Variants in PIWIL2 observed in about 807,000 individuals in gnomAD.
The protein encoded by PIWIL2 is piwi like RNA-mediated gene silencing 2.
Under a neutral mutation model 116.5 loss-of-function variants are expected in PIWIL2, and 81 were observed. The ratio of observed to expected loss-of-function variants is 0.70; its 90% CI spans 0.58 to 0.84. PIWIL2 has a LOEUF of 0.84. Ranked by LOEUF, PIWIL2 falls within the 40% of genes least tolerant of loss-of-function variation. The probability of loss-of-function intolerance (pLI) is 0.00; values close to 1 mark genes in which losing one functional copy is unlikely to be tolerated. For synonymous variants in PIWIL2, 489 were observed against 429.5 expected (o/e 1.14, Z -1.71); for missense variants, 1,272 against 1,212.3 (o/e 1.05, Z -0.73).
intron 20 of PIWIL2, among the ~76,000 whole-genome samples, chr8:22,337,803 T>A (rs1832014675): frequency 1.3e-5 from 2 of 149,410 alleles, no homozygotes; most frequent in Non-Finnish European, 3.0e-5. Context: ...TTAAAGAAAT[T>A]GAAGATCTAG....
intron 2 of PIWIL2, among the ~76,000 whole-genome samples, chr8:22,280,641 T>A (rs1830478238): frequency 6.6e-6 from 1 of 152,220 alleles, no homozygotes; most frequent in South Asian, 2.1e-4. Flanking sequence ...CATTCAAGAC[T>A]GCCACAGGAA....
chr8:22,276,580 C>T (rs1476116969), intron 1 of PIWIL2, among the ~76,000 whole-genome samples: 1 of 152,192 alleles, frequency 6.6e-6, no homozygotes, highest in Non-Finnish European at 1.5e-5. Context: ...TTCCAGAGTG[C>T]TGGGATTACA....
intron 20 of PIWIL2, among the ~76,000 whole-genome samples, chr8:22,322,209 C>G (rs573438924): frequency 1.3e-5 from 2 of 151,954 alleles, no homozygotes; most frequent in Non-Finnish European, 2.9e-5. Context: ...TGCTCTTCTC[C>G]TTTTTCTGTA....
chr8:22,301,032 C>T (rs887229774), intron 10 of PIWIL2, among the ~76,000 whole-genome samples: 1 of 151,580 alleles, frequency 6.6e-6, no homozygotes, highest in South Asian at 2.1e-4. Flanking sequence ...TTGGCTGGAG[C>T]GCAGAGGTGC....
chr8:22,322,331 G>C (rs4872468), intron 20 of PIWIL2, among the ~76,000 whole-genome samples: 64,930 of 151,500 alleles, frequency 0.43, 15,782 homozygotes, highest in East Asian at 0.81. Flanking sequence ...GTTCACTGCA[G>C]CCTCAACCTC....
At chr8:22,305,301 T>A (rs987276350) in intron 12 of PIWIL2, among the ~76,000 whole-genome samples, 1 of 152,018 alleles carries the variant, frequency 6.6e-6, no homozygotes, top group African/African-American at 2.4e-5. Flanking sequence ...CACATCATTC[T>A]CCTGCCTCAG....
chr8:22,291,806 C>T (rs1199045499), intron 10 of PIWIL2, among the ~76,000 whole-genome samples: 1 of 152,052 alleles, frequency 6.6e-6, no homozygotes, highest in Non-Finnish European at 1.5e-5. Flanking sequence ...ACAAAGATCC[C>T]TCCCCTCACA....
chr8:22,291,132 C>G (rs1448341619), intron 10 of PIWIL2, among the ~76,000 whole-genome samples: 2 of 151,240 alleles, frequency 1.3e-5, no homozygotes, highest in Admixed American at 1.3e-4. Flanking sequence ...CCATGTCCGG[C>G]TAATTTTTTT....
At chr8:22,331,054 T>C (rs182247017) in intron 20 of PIWIL2, among the ~76,000 whole-genome samples, 1 of 152,174 alleles carries the variant, frequency 6.6e-6, no homozygotes, top group African/African-American at 2.4e-5. Context: ...TGGACTCCTG[T>C]AATCCCAGCT....
At position 22,322,009 on chromosome 8, in the gene PIWIL2, A is replaced by G. The variant is rs1190507278; in HGVS notation, c.2403+3734A>G. The G allele has an allele frequency of 4.1e-6, 4 of 984,282 alleles. No individual in the cohort carries two copies. In the Admixed American group the frequency reaches 1.8e-4, roughly 45 times the overall value. The allele number at this position is 984,282 out of a possible 1,614,324, so 61.0% of individuals were successfully genotyped here. A position where few individuals can be genotyped will look rare whatever the true frequency, so the allele number is the denominator to read the frequency against. On this transcript the variant is annotated intron_variant, in intron 20 of 22. Coordinates refer to ENST00000356766, the MANE Select transcript of PIWIL2 (RefSeq NM_018068.5). Reference sequence around the variant, plus strand: ...CGCATGCAATAATAAAATGCTTCCAAATACTGTTTTGGTTTTTTTTTTTGT... The same window carrying G: ...CGCATGCAATAATAAAATGCTTCCAGATACTGTTTTGGTTTTTTTTTTTGT...
intron 20 of PIWIL2, among the ~76,000 whole-genome samples, chr8:22,352,391 CTTAG>C (rs1350694604): frequency 2.0e-5 from 3 of 152,152 alleles, no homozygotes; most frequent in Non-Finnish European, 2.9e-5. Flanking sequence ...TTGCTAATTA[CTTAG>C]TTACAGTAAA....
At chr8:22,313,369 T>C (rs1831378237) in intron 16 of PIWIL2, among the ~76,000 whole-genome samples, 1 of 152,228 alleles carries the variant, frequency 6.6e-6, no homozygotes, top group South Asian at 2.1e-4. Context: ...TGATTCTTAA[T>C]GTGCTTGTTT....
In PIWIL2 at chr8:22,305,910, T is replaced by C. The variant is rs1366384594; in HGVS notation, c.1456-17T>C. 6.3e-7 allele frequency: 1 copy of C among 1,598,834 alleles called. No individual in the cohort carries two copies. Among genetic ancestry groups the C allele is most frequent in the African/African-American group, 1.3e-5 (1 of 74,606 alleles). On this transcript the variant is annotated splice_polypyrimidine_tract_variant and intron_variant, in intron 12 of 22. Transcript: ENST00000356766. Reference sequence around the variant, plus strand: ...TCTTGTACTGCCTTATTTTCCCTCTTCGTTCTCTCTTCAAAGCTGCTAAAA... The same window carrying C: ...TCTTGTACTGCCTTATTTTCCCTCTCCGTTCTCTCTTCAAAGCTGCTAAAA...
At chr8:22,343,826 G>A (rs1832165330) in intron 20 of PIWIL2, among the ~76,000 whole-genome samples, 1 of 152,196 alleles carries the variant, frequency 6.6e-6, no homozygotes, top group South Asian at 2.1e-4. Context: ...AAACAGTTTG[G>A]CAGCTAATTA....
In PIWIL2 at chr8:22,290,253, A is replaced by G. The variant is rs779651532; in HGVS notation, c.1088A>G (p.Tyr363Cys). The G allele has an allele frequency of 9.3e-6, 15 of 1,608,902 alleles. No individual in the cohort carries two copies. In the South Asian group the frequency reaches 9.9e-5, roughly 11 times the overall value. The stretch of plus-strand genomic sequence containing the variant: ...TCCAGATTGCAGATCTGGCCAGGCT[A>G]TGCAGCTAGCATCCGAAGGACAGAT... ...QQHRLQIWPG[Y>C]AASIRRTDGG... Residue 363 changes from tyrosine (Y) to cysteine (C), a missense_variant, in exon 10 of 23, where the codon TAT (tyrosine) becomes TGT (cysteine). Tyr to Cys is a radical substitution (Grantham distance 194, BLOSUM62 -2). Coordinates refer to ENST00000356766, the MANE Select transcript of PIWIL2 (RefSeq NM_018068.5).
intron 10 of PIWIL2, among the ~76,000 whole-genome samples, chr8:22,290,613 ATTT>A (rs34573190): frequency 1.8e-5 from 2 of 114,094 alleles, no homozygotes; most frequent in Non-Finnish European, 1.7e-5. Context: ...CCAATTTTTA[ATTT>A]TTTTTTTTTT....
rs1355379887 is a variant in PIWIL2 at position 22,279,468 on chromosome 8, T to G, written c.82T>G (p.Trp28Gly). 1 of 1,614,060 alleles carries G rather than the reference T, an allele frequency of 6.2e-7. No homozygotes were observed. Among genetic ancestry groups the G allele is most frequent in the Non-Finnish European group, 8.5e-7 (1 of 1,180,004 alleles). ...QCQAVRMPGC[W>G]PQASKPLDPA... ...CCAGGCTGTACGGATGCCAGGCTGT[T>G]GGCCACAAGCTTCTAAACCTTTGGA... The change falls in exon 2 of 23, where the codon TGG (tryptophan) becomes GGG (glycine). Residue 28 changes from tryptophan (W) to glycine (G), a missense_variant. By Grantham distance (184) the Trp-to-Gly change is radical. Coordinates refer to ENST00000356766, the MANE Select transcript of PIWIL2 (RefSeq NM_018068.5).
At chr8:22,337,049 C>A (rs1161123079) in intron 20 of PIWIL2, among the ~76,000 whole-genome samples, 4 of 152,118 alleles carry the variant, frequency 2.6e-5, no homozygotes, top group Non-Finnish European at 5.9e-5. Context: ...CAGAATTAGA[C>A]CTTATATTTA....
At chr8:22,341,966 G>C (rs541193846) in intron 20 of PIWIL2, among the ~76,000 whole-genome samples, 2 of 138,150 alleles carry the variant, frequency 1.4e-5, no homozygotes, top group South Asian at 2.3e-4. Flanking sequence ...TTGTACAAAA[G>C]TCTATTGCTG....
Sources: gnomAD v4.1 joint callset for allele counts (sites outside exome capture counted in the v4.1 genomes callset) on GRCh38, gnomAD v4.1.1 for gene constraint, MANE v1.5 for transcripts, NCBI Gene and HGNC (gene_info 2026-07-23, HGNC 2026-07-21) for gene names.